ATP1B3: variants seen among roughly 807,000 people sequenced by gnomAD.
ATP1B3 encodes ATPase Na+/K+ transporting subunit beta 3, also known as sodium/potassium-transporting ATPase subunit beta-3.
Under a neutral mutation model 30.2 loss-of-function variants are expected in ATP1B3, and 10 were observed. The ratio of observed to expected loss-of-function variants is 0.33; its 90% CI spans 0.20 to 0.56. The LOEUF (loss-of-function observed/expected upper bound fraction) is 0.56. Among genes scored for constraint, ATP1B3 ranks in the 20% least tolerant of loss-of-function variants. ATP1B3 has a pLI of 0.90. For synonymous variants in ATP1B3, 113 were observed against 117.0 expected (o/e 0.97, Z 0.22); for missense variants, 238 against 336.7 (o/e 0.71, Z 2.29).
intron 1 of ATP1B3, among the ~76,000 whole-genome samples, chr3:141,901,590 G>T (rs1443465719): frequency 6.6e-6 from 1 of 152,050 alleles, no homozygotes; most frequent in Non-Finnish European, 1.5e-5. Flanking sequence ...CTGTTGATTT[G>T]TGTATATATT....
chr3:141,900,725 C>G (rs1267704584), intron 1 of ATP1B3, among the ~76,000 whole-genome samples: 1 of 152,060 alleles, frequency 6.6e-6, no homozygotes, highest in Non-Finnish European at 1.5e-5. Context: ...TTTCTCCTTC[C>G]CCTGGATGAC....
chr3:141,878,148 C>G (rs1560411), intron 1 of ATP1B3, among the ~76,000 whole-genome samples: 16,378 of 152,106 alleles, frequency 0.11, 1,079 homozygotes, highest in Middle Eastern at 0.16. Flanking sequence ...AAAAATGAGA[C>G]CCAGAGAGGT....
chr3:141,914,551 T>C (rs1477406581), intron 4 of ATP1B3, among the ~76,000 whole-genome samples: 1 of 152,180 alleles, frequency 6.6e-6, no homozygotes, highest in Non-Finnish European at 1.5e-5. Context: ...GCCTTGCTGC[T>C]CTGTAAATGT....
intron 1 of ATP1B3, among the ~76,000 whole-genome samples, chr3:141,900,939 C>T (rs143996645): frequency 1.3e-3 from 195 of 152,216 alleles, no homozygotes; most frequent in Non-Finnish European, 1.7e-3. Flanking sequence ...TGCACCACCA[C>T]GCCTGGCTAT....
chr3:141,883,192 C>G (rs962184042), intron 1 of ATP1B3, among the ~76,000 whole-genome samples: 1 of 152,106 alleles, frequency 6.6e-6, no homozygotes, highest in African/African-American at 2.4e-5. Context: ...TCTTTGAACT[C>G]CTCTTTGCAT....
chr3:141,903,558 C>T (rs1047189975), intron 1 of ATP1B3, 62 bp from the exon 2 acceptor site: 7 of 1,598,138 alleles, frequency 4.4e-6, no homozygotes, highest in Admixed American at 1.7e-5. Flanking sequence ...TTTAACCTGG[C>T]CAAACATGCA....
intron 5 of ATP1B3, chr3:141,921,476 G>A (rs1305302945): frequency 1.3e-5 from 2 of 152,176 alleles, no homozygotes; most frequent in African/African-American, 4.8e-5. Context: ...TCTGGTTGCA[G>A]TTCTGGTTAT....
chr3:141,903,680 C>T lies in ATP1B3; in HGVS notation c.170C>T (p.Thr57Met), dbSNP rs775908015. 1.3e-5 allele frequency: 21 copies of T among 1,613,956 alleles called. 1 individual carries two copies. In the Admixed American group the frequency reaches 2.0e-4, roughly 15 times the overall value. The change falls in exon 2 of 7, where the codon ACG (threonine) becomes ATG (methionine). Residue 57 changes from threonine (T) to methionine (M), a missense_variant. Around this residue, in one of 3 missense-constraint regions of ATP1B3, gnomAD observed 130 missense variants for 148.8 expected, o/e 0.87. Coordinates refer to ENST00000286371, the MANE Select transcript of ATP1B3 (RefSeq NM_001679.4). ...YGFLAALFSF[T>M]MWVMLQTLND... is the part of the protein sequence containing the mutation. ...TTCCTGGCTGCACTCTTCTCATTCA[C>T]GATGTGGGTTATGCTTCAGACTCTC...
At position 141,911,559 on chromosome 3, in the gene ATP1B3, T is replaced by G. The variant is rs148590050; in HGVS notation, c.347-2093T>G. On this transcript the variant is annotated intron_variant, in intron 3 of 6. Transcript: ENST00000286371. ...GCCCAGGCTGGAGTACAATGGCTTG[T>G]TCTCAGCTCACTGCAACCACCGCCT... Among the ~76,000 whole-genome samples, 1,455 of 151,500 alleles carry G rather than the reference T, an allele frequency of 9.6e-3. 21 individuals carry two copies. The highest frequency in any genetic ancestry group is 0.034 in the African/African-American group (1,386 of 41,226).
chr3:141,895,906 C>G (rs1384468408), intron 1 of ATP1B3, among the ~76,000 whole-genome samples: 1 of 152,182 alleles, frequency 6.6e-6, no homozygotes, highest in Non-Finnish European at 1.5e-5. Flanking sequence ...TTTAAAATTT[C>G]TAGCATTCTG....
rs1329331021 is a variant in ATP1B3 at position 141,889,744 on chromosome 3, A to AT, written c.109+12834_109+12835insT. Among the ~76,000 whole-genome samples the AT allele has an allele frequency of 1.9e-3, 191 of 98,488 alleles. 6 individuals carry two copies. Among genetic ancestry groups the AT allele is most frequent in the African/African-American group, 6.3e-3 (162 of 25,542 alleles). 64.6% of individuals were successfully genotyped at this position (98,488 alleles called of 152,430 possible). On this transcript the variant is annotated intron_variant, in intron 1 of 6. Transcript: ENST00000286371. Reference sequence around the variant, plus strand: ...ACTCCGTCTCAAAAAAAAAAAAAAAAAAAAAAATATATACACACACACACA... The same window carrying AT: ...ACTCCGTCTCAAAAAAAAAAAAAAAATAAAAAAATATATACACACACACACA...
At chr3:141,890,094 T>C (rs867575719) in intron 1 of ATP1B3, among the ~76,000 whole-genome samples, 30,759 of 134,778 alleles carry the variant, frequency 0.23, 3,558 homozygotes, top group African/African-American at 0.27. Context: ...TTCTTTTTTT[T>C]TTTTTTTTTT....
chr3:141,910,775 GC>G (rs11449206), intron 3 of ATP1B3, among the ~76,000 whole-genome samples: 1 of 144,846 alleles, frequency 6.9e-6, no homozygotes, highest in African/African-American at 2.6e-5. Context: ...CTCTTGCCCT[GC>G]CCCCCCCTTT....
intron 4 of ATP1B3, 44 bp from the exon 5 acceptor site, chr3:141,915,926 A>G: frequency 6.6e-7 from 1 of 1,513,992 alleles, no homozygotes; most frequent in Non-Finnish European, 9.1e-7. Flanking sequence ...GTTCCATTGC[A>G]TACTTACGTG....
At chr3:141,911,504 T>C (rs928081160) in intron 3 of ATP1B3, among the ~76,000 whole-genome samples, 1 of 151,744 alleles carries the variant, frequency 6.6e-6, no homozygotes. Context: ...TTTTTTTTTT[T>C]TTTCTTCATT....
intron 1 of ATP1B3, among the ~76,000 whole-genome samples, chr3:141,894,465 A>G (rs1934021595): frequency 2.0e-5 from 3 of 152,158 alleles, no homozygotes; most frequent in Non-Finnish European, 4.4e-5. Context: ...GCGACTTTAT[A>G]TACTTTTAAT....
At chr3:141,904,703 CTTTTT>C (rs35178202) in intron 2 of ATP1B3, among the ~76,000 whole-genome samples, 1 of 89,372 alleles carries the variant, frequency 1.1e-5, no homozygotes, top group Admixed American at 1.4e-4. Context: ...TTTAAACAGT[CTTTTT>C]TTTTTTTTTT....
At chr3:141,890,359 G>A (rs1933927240) in intron 1 of ATP1B3, among the ~76,000 whole-genome samples, 1 of 116,632 alleles carries the variant, frequency 8.6e-6, no homozygotes, top group Non-Finnish European at 1.6e-5. Context: ...ATGGACTGCA[G>A]TGACATGATT....
chr3:141,889,728 CAA>C (rs1168549266), intron 1 of ATP1B3, among the ~76,000 whole-genome samples: 3,521 of 48,202 alleles, frequency 0.073, 164 homozygotes, highest in African/African-American at 0.13. Context: ...GACTCCGTCT[CAA>C]AAAAAAAAAA....
Sources: allele counts gnomAD v4.1 joint callset (sites outside exome capture counted in the v4.1 genomes callset), GRCh38; gene constraint gnomAD v4.1.1; regional missense constraint gnomAD v4.1.1; transcripts MANE v1.5; gene names NCBI Gene and HGNC (gene_info 2026-07-23, HGNC 2026-07-21).